The following SZT2 variants were observed in gnomAD, a reference collection of about 807,000 sequenced individuals.
The protein encoded by SZT2 is SZT2 subunit of KICSTOR complex.
SZT2 carries 216 observed loss-of-function variants against 404.2 expected under a neutral mutation model. The ratio of observed to expected loss-of-function variants is 0.53; its 90% CI spans 0.48 to 0.60. The LOEUF is 0.60. Among genes scored for constraint, SZT2 ranks in the 20% least tolerant of loss-of-function variants. SZT2 has a pLI of 0.00. For missense variants in SZT2, 3,857 were observed against 4,459.2 expected (o/e 0.86, Z 3.85); for synonymous variants, 1,693 against 1,749.9 (o/e 0.97, Z 0.81).
chr1:43,441,948 G>C lies in SZT2; in HGVS notation c.7743-52G>C. 1.9e-6 allele frequency: 3 copies of C among 1,593,866 alleles called. No individual in the cohort carries two copies. The highest frequency in any genetic ancestry group is 1.3e-5 in the African/African-American group (1 of 74,762). ...CAAGGCCCAGGGAGGTGAAGGCTAGGCCAGGGAGTGGTGTCATGGATGGCC... is the reference window on the plus strand; with the variant it reads ...CAAGGCCCAGGGAGGTGAAGGCTAGCCCAGGGAGTGGTGTCATGGATGGCC... On this transcript the variant is annotated intron_variant, in intron 55 of 71. Coordinates refer to ENST00000634258, the MANE Select transcript of SZT2 (RefSeq NM_001365999.1). The surrounding 1 kb of genome is among the most constrained non-coding windows in gnomAD (Gnocchi z 4.8).
At position 43,424,746 on chromosome 1, in the gene SZT2, C is replaced by T. The variant is rs1652936796; in HGVS notation, c.2472-38C>T. ...TTGTAGTCTCAGTGTCTCTTCTTCCCTTATCCTGGCCTTGCCCCGGCCTTT... is the reference window on the plus strand; with the variant it reads ...TTGTAGTCTCAGTGTCTCTTCTTCCTTTATCCTGGCCTTGCCCCGGCCTTT... On this transcript the variant is annotated intron_variant, in intron 16 of 71. Transcript: ENST00000634258. This position sits in a 1 kb window ranked among gnomAD's most constrained non-coding sequence, Gnocchi z 4.1. 1 of 1,581,046 alleles carries T rather than the reference C, an allele frequency of 6.3e-7. No individual in the cohort carries two copies. Among genetic ancestry groups the T allele is most frequent in the Non-Finnish European group, 8.7e-7 (1 of 1,150,712 alleles).
At chr1:43,435,403 A>G (rs1654360229) in intron 42 of SZT2, 74 bp downstream of exon 42, 53 of 1,548,624 alleles carry the variant, frequency 3.4e-5, no homozygotes, top group Non-Finnish European at 4.7e-5. Context: ...CTCTGGTGAA[A>G]GCTGAGGGCA....
At position 43,441,241 on chromosome 1, in the gene SZT2, T is replaced by C. The variant is rs746515876; in HGVS notation, c.7372T>C (p.Ser2458Pro). ...TAAAACAGAATGTGGGGATTTGGGT[T>C]CCCCCAAAACAACTGATGACATTGT... ...LSKTECGDLG[S>P]PKTTDDIVLD... Residue 2458 changes from serine to proline, a missense_variant, in exon 53 of 72, where the codon TCC becomes CCC. Transcript: ENST00000634258. The surrounding 1 kb of genome is among the most constrained non-coding windows in gnomAD (Gnocchi z 4.8). 20 of 1,614,082 alleles carry C rather than the reference T, an allele frequency of 1.2e-5. No homozygotes were observed. Among genetic ancestry groups the C allele is most frequent in the Middle Eastern group, 3.3e-4 (2 of 6,060 alleles).
chr1:43,442,771 G>T lies in SZT2; in HGVS notation c.8152-48G>T. ...GAGGAAGCCCTGGGATGAGAGAGAGGGTCCGAGGGCAAAGGCTATGAACCC... is the reference window on the plus strand; with the variant it reads ...GAGGAAGCCCTGGGATGAGAGAGAGTGTCCGAGGGCAAAGGCTATGAACCC... On this transcript the variant is annotated intron_variant, in intron 58 of 71. Transcript: ENST00000634258. The surrounding 1 kb of genome is among the most constrained non-coding windows in gnomAD (Gnocchi z 4.5). The T allele has an allele frequency of 6.5e-7, 1 of 1,547,172 alleles. No homozygotes were observed. Among genetic ancestry groups the T allele is most frequent in the Non-Finnish European group, 8.7e-7 (1 of 1,146,188 alleles).
chr1:43,450,365 T>TCCCAGTACAGC lies in SZT2; in HGVS notation c.10190_10200dup (p.Asp3401TyrfsTer75). On this transcript the variant is annotated frameshift_variant, in exon 72 of 72. Coordinates refer to ENST00000634258, the MANE Select transcript of SZT2 (RefSeq NM_001365999.1). LOFTEE classifies it high-confidence loss of function. This position sits in a 1 kb window ranked among gnomAD's most constrained non-coding sequence, Gnocchi z 4.3. The stretch of plus-strand genomic sequence containing the variant: ...CTGACAGTGGTTTTCCGAGAGCCCT[T>TCCCAGTACAGC]CCCAGTACAGCCCCAGGACAGCGAG... The TCCCAGTACAGC allele has an allele frequency of 6.2e-7, 1 of 1,613,974 alleles. No individual in the cohort carries two copies. The highest frequency in any genetic ancestry group is 8.5e-7 in the Non-Finnish European group (1 of 1,179,968).
intron 7 of SZT2, among the ~76,000 whole-genome samples, chr1:43,418,207 A>G (rs552431008): frequency 5.9e-5 from 9 of 152,270 alleles, no homozygotes; most frequent in Admixed American, 3.9e-4. Flanking sequence ...AGCAAGAGAG[A>G]GAATGGTAAC....
In SZT2 at chr1:43,442,197, T is replaced by G. The variant is rs1655136760; in HGVS notation, c.7873+67T>G. On this transcript the variant is annotated intron_variant, in intron 56 of 71. Transcript: ENST00000634258. The surrounding 1 kb of genome is among the most constrained non-coding windows in gnomAD (Gnocchi z 4.5). ...GAGTAACTGGTGGGGTCTCCAACCT[T>G]GCAGAGGGGAGGGTGGGATCAAGGG... The G allele has an allele frequency of 1.3e-6, 2 of 1,597,580 alleles. No homozygotes were observed. The highest frequency in any genetic ancestry group is 2.7e-5 in the African/African-American group (2 of 74,352).
intron 28 of SZT2, chr1:43,428,944 A>G (rs981648124): frequency 3.1e-5 from 6 of 192,214 alleles, no homozygotes; most frequent in Admixed American, 1.1e-4. Context: ...AAGCAGGCAG[A>G]CAGCTATGGG....
chr1:43,436,299 C>CA (rs375084483), intron 42 of SZT2: 1 of 152,182 alleles, frequency 6.6e-6, no homozygotes. Context: ...GGATCTCCTC[C>CA]ATATCGAAGC....
At position 43,441,153 on chromosome 1, in the gene SZT2, C is replaced by G; in HGVS notation, c.7345-61C>G. The G allele has an allele frequency of 1.3e-6, 2 of 1,572,112 alleles. No individual in the cohort carries two copies. The highest frequency in any genetic ancestry group is 3.4e-5 in the Admixed American group (2 of 58,096). ...CCTAGCTCACTGCTGTTCCATAGTG[C>G]CCCCATCCCACACCTTTCCTCTTCC... On this transcript the variant is annotated intron_variant, in intron 52 of 71. Coordinates refer to ENST00000634258, the MANE Select transcript of SZT2 (RefSeq NM_001365999.1). This position sits in a 1 kb window ranked among gnomAD's most constrained non-coding sequence, Gnocchi z 4.8.
At chr1:43,412,811 A>G (rs1446647101) in intron 4 of SZT2, 1 of 152,172 alleles carries the variant, frequency 6.6e-6, no homozygotes, top group African/African-American at 2.4e-5. Flanking sequence ...AAATCCAATA[A>G]TCTGATTTTA....
chr1:43,445,547 G>A (rs900957294), intron 62 of SZT2: 2 of 343,398 alleles, frequency 5.8e-6, no homozygotes, highest in Non-Finnish European at 1.1e-5. Flanking sequence ...ACCTAACCAG[G>A]CATCAAGCAT....
chr1:43,450,376 C>G lies in SZT2; in HGVS notation c.10195C>G (p.Pro3399Ala), dbSNP rs907244121. 1 of 1,614,104 alleles carries G rather than the reference C, an allele frequency of 6.2e-7. No individual in the cohort carries two copies. The highest frequency in any genetic ancestry group is 8.5e-7 in the Non-Finnish European group (1 of 1,179,982). ...TTTCCGAGAGCCCTTCCCAGTACAG[C>G]CCCAGGACAGCGAGAGCCCCCCTGC... The part of the protein sequence containing the change: ...VVFREPFPVQ[P>A]QDSESPPAQL... Residue 3399 changes from proline to alanine, a missense_variant, in exon 72 of 72, where the codon CCC becomes GCC. Transcript: ENST00000634258. The surrounding 1 kb of genome is among the most constrained non-coding windows in gnomAD (Gnocchi z 4.3).
Position 43,442,426 on chromosome 1 carries a change from G to A in SZT2, c.7975-16G>A, listed in dbSNP as rs771336911. The A allele has an allele frequency of 3.2e-5, 52 of 1,612,092 alleles. No individual in the cohort carries two copies. In the Admixed American group the frequency reaches 8.7e-4, roughly 27 times the overall value. ...GGGGTTCCGTGATCTCACTGACCCT[G>A]ACCCCCGACCTCCAGCTACAGCTGC... On this transcript the variant is annotated splice_polypyrimidine_tract_variant and intron_variant, in intron 57 of 71. Coordinates refer to ENST00000634258, the MANE Select transcript of SZT2 (RefSeq NM_001365999.1). This position sits in a 1 kb window ranked among gnomAD's most constrained non-coding sequence, Gnocchi z 4.5.
At chr1:43,413,621 A>G (rs948811947) in intron 4 of SZT2, among the ~76,000 whole-genome samples, 1 of 152,256 alleles carries the variant, frequency 6.6e-6, no homozygotes, top group African/African-American at 2.4e-5. Context: ...CTATTCAGCC[A>G]TAAAAAAGAA....
At position 43,437,809 on chromosome 1, in the gene SZT2, G is replaced by T; in HGVS notation, c.6415G>T (p.Asp2139Tyr). The T allele has an allele frequency of 6.2e-7, 1 of 1,614,148 alleles. No individual in the cohort carries two copies. ...CCTGTAGGGTCCTCGTTCTCCCTTA[G>T]ACATGGTCTCTAGCCGCAGTTCAGA... ...EEASGPRSPL[D>Y]MVSSRSSDAA... Residue 2139 changes from aspartate (D) to tyrosine (Y), a missense_variant, in exon 46 of 72, where the codon GAC becomes TAC. By Grantham distance (160) the Asp-to-Tyr change is radical (BLOSUM62 -3). Transcript: ENST00000634258. This position sits in a 1 kb window ranked among gnomAD's most constrained non-coding sequence, Gnocchi z 5.3.
rs1651688637 is a variant in SZT2, at chr1:43,416,095, A to G, written c.766A>G (p.Ser256Gly). 6.3e-7 allele frequency: 1 copy of G among 1,598,256 alleles called. No homozygotes were observed. Residue 256 changes from serine to glycine, a missense_variant, in exon 6 of 72, where the codon AGT (serine) becomes GGT (glycine). Physicochemically the swap from Ser to Gly is moderately conservative, Grantham distance 56. Transcript: ENST00000634258. Reference sequence around the variant, plus strand: ...ACTGCAGTTACTACCCTCGAACTCTAGTGCAGGTCAGTAGAAGGAATATTG... The same window carrying G: ...ACTGCAGTTACTACCCTCGAACTCTGGTGCAGGTCAGTAGAAGGAATATTG... ...LALQLLPSNSSAGIIVITDGV... is the reference protein window; with the variant it reads ...LALQLLPSNSGAGIIVITDGV...
chr1:43,416,405 T>A, intron 6 of SZT2, 130 bp from the exon 7 acceptor site: 1 of 746,542 alleles, frequency 1.3e-6, no homozygotes, highest in Non-Finnish European at 2.2e-6. Context: ...TTATAAAACT[T>A]CACAGTTTAT....
intron 26 of SZT2, 89 bp from the exon 27 acceptor site, chr1:43,427,914 T>C: frequency 1.5e-6 from 2 of 1,331,240 alleles, no homozygotes; most frequent in Middle Eastern, 3.7e-4. Context: ...TATGTGTCTA[T>C]AGATGATCCA....
Sources: allele counts gnomAD v4.1 joint callset (sites outside exome capture counted in the v4.1 genomes callset), GRCh38; gene constraint gnomAD v4.1.1; non-coding constraint Gnocchi (gnomAD v3.1); transcripts MANE v1.5; gene names NCBI Gene and HGNC (gene_info 2026-07-23, HGNC 2026-07-21).